Variants in IL10RB observed in about 807,000 individuals in gnomAD.
IL10RB encodes the protein interleukin 10 receptor subunit beta, also known as interleukin-10 receptor subunit beta.
In IL10RB, 30 loss-of-function variants were observed where a neutral mutation model predicts 38.7. That is an observed-to-expected ratio of 0.78 (90% CI 0.58 to 1.05). The LOEUF is 1.05. Among genes scored for constraint, IL10RB ranks in the 50% least tolerant of loss-of-function variants. The probability of loss-of-function intolerance (pLI) is 0.00; values close to 1 mark genes in which losing one functional copy is unlikely to be tolerated. For missense variants in IL10RB, 328 were observed against 397.1 expected (o/e 0.83, Z 1.48); for synonymous variants, 142 against 145.9 (o/e 0.97, Z 0.19).
At chr21:33,302,937 C>A (rs1272501355) in intron 1 of IL10RB, among the ~76,000 whole-genome samples, 1 of 152,306 alleles carries the variant, frequency 6.6e-6, no homozygotes, top group Admixed American at 6.5e-5. Context: ...CTCTCCAGAC[C>A]AGAACTGGCA....
At chr21:33,266,575 C>CAGGGATGGGATCAGGGGCGG in intron 1 of IL10RB, 61 bp downstream of exon 1, 1 of 1,498,074 alleles carries the variant, frequency 6.7e-7, no homozygotes, top group Non-Finnish European at 9.0e-7. Context: ...AGATGCCGCC[C>CAGGGATGGGATCAGGGGCGG]CTGATCCCAT....
chr21:33,282,751 T>C (rs913472239), intron 4 of IL10RB, among the ~76,000 whole-genome samples: 3 of 152,134 alleles, frequency 2.0e-5, no homozygotes, highest in African/African-American at 4.8e-5. Context: ...GGTTTTGCCA[T>C]GTTGACTAGG....
At chr21:33,282,809 G>A (rs553402695) in intron 4 of IL10RB, among the ~76,000 whole-genome samples, 3 of 152,188 alleles carry the variant, frequency 2.0e-5, no homozygotes, top group South Asian at 2.1e-4. Flanking sequence ...TTACAGGCAC[G>A]AGCCAACACA....
chr21:33,273,792 C>T (rs550044290), intron 2 of IL10RB, among the ~76,000 whole-genome samples: 1 of 152,342 alleles, frequency 6.6e-6, no homozygotes, highest in Non-Finnish European at 1.5e-5. Flanking sequence ...GGAATAAATT[C>T]CATCTCAAGA....
chr21:33,277,096 C>T (rs1989185349), intron 3 of IL10RB, among the ~76,000 whole-genome samples: 1 of 151,982 alleles, frequency 6.6e-6, no homozygotes, highest in Non-Finnish European at 1.5e-5. Context: ...ATGACTTAAA[C>T]AAAGAAACAT....
Position 33,279,876 on chromosome 21 carries a change from G to C in IL10RB, c.456G>C (p.Trp152Cys), listed in dbSNP as rs1989248527. The change falls in exon 4 of 7, where the codon TGG becomes TGC. Residue 152 changes from tryptophan (W) to cysteine (C), a missense_variant. Trp to Cys is a radical substitution (Grantham distance 215). Coordinates refer to ENST00000290200, the MANE Select transcript of IL10RB (RefSeq NM_000628.5). ...CTATGAAGAATGTGTATAACTCATG[G>C]ACTTATAATGTGCAATACTGGAAAA... is the stretch of plus-strand genomic sequence containing the variant. ...TWTMKNVYNSWTYNVQYWKNG... is the reference protein window; with the variant it reads ...TWTMKNVYNSCTYNVQYWKNG... The C allele has an allele frequency of 6.2e-7, 1 of 1,613,870 alleles. No individual in the cohort carries two copies. Among genetic ancestry groups the C allele is most frequent in the Admixed American group, 1.7e-5 (1 of 60,002 alleles).
intron 3 of IL10RB, 56 bp downstream of exon 3, chr21:33,276,809 T>TC: frequency 6.7e-7 from 1 of 1,500,136 alleles, no homozygotes; most frequent in South Asian, 1.1e-5. Context: ...CTTGTTTTTT[T>TC]CCACATTGGT....
chr21:33,269,392 AGAAACATAC>A (rs1224006354), intron 2 of IL10RB, among the ~76,000 whole-genome samples: 1 of 152,252 alleles, frequency 6.6e-6, no homozygotes, highest in Non-Finnish European at 1.5e-5. Flanking sequence ...TGTGTGACTC[AGAAACATAC>A]GAAGATAGAC....
intron 4 of IL10RB, among the ~76,000 whole-genome samples, chr21:33,280,765 A>G (rs1392576474): frequency 6.6e-6 from 1 of 152,128 alleles, no homozygotes; most frequent in Non-Finnish European, 1.5e-5. Context: ...TGATTTTACC[A>G]CTTAATTCTC....
At chr21:33,286,384 AG>A (rs1386308195) in intron 5 of IL10RB, among the ~76,000 whole-genome samples, 5 of 152,166 alleles carry the variant, frequency 3.3e-5, no homozygotes, top group Non-Finnish European at 5.9e-5. Flanking sequence ...GCTGGTTGGC[AG>A]GGGATGGGCA....
downstream of IL10RB, among the ~76,000 whole-genome samples, chr21:33,298,644 A>T (rs1163224894): frequency 6.6e-6 from 1 of 152,108 alleles, no homozygotes; most frequent in Non-Finnish European, 1.5e-5. Flanking sequence ...AAAATAAAAA[A>T]TTATTTTTGA....
Position 33,296,678 on chromosome 21 carries a change from G to A in IL10RB, c.*321G>A. 1.1e-5 allele frequency: 5 copies of A among 440,628 alleles called. No individual in the cohort carries two copies. Among genetic ancestry groups the A allele is most frequent in the South Asian group, 7.2e-5 (4 of 55,608 alleles). The allele number at this position is 440,628 out of a possible 1,614,324, so 27.3% of individuals were successfully genotyped here. ...ATTGTGAGAAACAGGGCCGAGCACA[G>A]TGGCTCACGCCTGTAATACCAGCAC... On this transcript the variant is annotated 3_prime_UTR_variant, in exon 7 of 7. Transcript: ENST00000290200.
downstream of IL10RB, among the ~76,000 whole-genome samples, chr21:33,299,563 T>A (rs1326198191): frequency 6.6e-6 from 1 of 152,146 alleles, no homozygotes; most frequent in East Asian, 1.9e-4. Context: ...TCCCCTAACA[T>A]ACCTCCCACA....
At chr21:33,284,597 C>A (rs1299498549) in intron 5 of IL10RB, among the ~76,000 whole-genome samples, 1 of 152,130 alleles carries the variant, frequency 6.6e-6, no homozygotes, top group Non-Finnish European at 1.5e-5. Flanking sequence ...GAAATGTAAT[C>A]CCCAGTGCTG....
At chr21:33,290,864 G>A (rs773090440) in intron 6 of IL10RB, among the ~76,000 whole-genome samples, 11 of 152,222 alleles carry the variant, frequency 7.2e-5, no homozygotes, top group Non-Finnish European at 1.6e-4. Context: ...CGGGGCTGCT[G>A]TAGCAAAGTA....
intron 1 of IL10RB, among the ~76,000 whole-genome samples, chr21:33,304,098 TG>T (rs1180504170): frequency 6.6e-6 from 1 of 152,218 alleles, no homozygotes; most frequent in Non-Finnish European, 1.5e-5. Flanking sequence ...CCCAGCTTGG[TG>T]ACCAGCCAGT....
chr21:33,286,902 C>T (rs954628353), intron 5 of IL10RB, among the ~76,000 whole-genome samples: 1 of 151,712 alleles, frequency 6.6e-6, no homozygotes, highest in East Asian at 1.9e-4. Flanking sequence ...AGAAAGAATG[C>T]GTGGGGAGTT....
intron 3 of IL10RB, among the ~76,000 whole-genome samples, chr21:33,277,320 G>A (rs992014758): frequency 1.4e-5 from 2 of 143,142 alleles, no homozygotes; most frequent in African/African-American, 5.1e-5. Flanking sequence ...GGGCAATAGA[G>A]TGAGACTTGG....
At chr21:33,280,731 T>C (rs1989265716) in intron 4 of IL10RB, among the ~76,000 whole-genome samples, 1 of 152,236 alleles carries the variant, frequency 6.6e-6, no homozygotes, top group Non-Finnish European at 1.5e-5. Flanking sequence ...ATTACATATA[T>C]GTTATCCCTT....
Sources: gnomAD v4.1 joint callset for allele counts (sites outside exome capture counted in the v4.1 genomes callset) on GRCh38, gnomAD v4.1.1 for gene constraint, MANE v1.5 for transcripts, NCBI Gene and HGNC (gene_info 2026-07-23, HGNC 2026-07-21) for gene names.